KATNA1: variants seen among roughly 807,000 people sequenced by gnomAD.
KATNA1 encodes katanin catalytic subunit A1.
A neutral mutation model predicts 62.6 loss-of-function variants in KATNA1; 42 were observed. That is an observed-to-expected ratio of 0.67 (90% CI 0.52 to 0.87). KATNA1 has a LOEUF of 0.87. Among genes scored for constraint, KATNA1 ranks in the 40% least tolerant of loss-of-function variants. KATNA1 has a pLI of 0.00. For synonymous variants in KATNA1, 186 were observed against 201.9 expected (o/e 0.92, Z 0.67); for missense variants, 498 against 612.5 (o/e 0.81, Z 1.97).
intron 2 of KATNA1, among the ~76,000 whole-genome samples, chr6:149,636,152 A>G (rs993289134): frequency 6.6e-6 from 1 of 152,106 alleles, no homozygotes; most frequent in Non-Finnish European, 1.5e-5. Flanking sequence ...GTTTTGCTTT[A>G]TAACTTAAAT....
At chr6:149,613,628 A>G (rs1388652783) in intron 4 of KATNA1, among the ~76,000 whole-genome samples, 1 of 152,196 alleles carries the variant, frequency 6.6e-6, no homozygotes, top group African/African-American at 2.4e-5. Flanking sequence ...CAAAAACTGC[A>G]CCTGCAGAAT....
At chr6:149,618,899 T>G (rs1019130728) in intron 4 of KATNA1, among the ~76,000 whole-genome samples, 1 of 152,162 alleles carries the variant, frequency 6.6e-6, no homozygotes, top group African/African-American at 2.4e-5. Context: ...GTAGGAGAAA[T>G]GCTTCAGGAC....
chr6:149,601,529 G>A (rs1778541030), intron 7 of KATNA1, 65 bp downstream of exon 7: 1 of 1,422,200 alleles, frequency 7.0e-7, no homozygotes, highest in Non-Finnish European at 9.5e-7. Flanking sequence ...ACTGGAGATA[G>A]TTACAGCTCA....
chr6:149,639,085 A>G (rs1780186545), intron 1 of KATNA1, among the ~76,000 whole-genome samples: 2 of 152,066 alleles, frequency 1.3e-5, no homozygotes, highest in South Asian at 4.2e-4. Flanking sequence ...AGCTCACTTC[A>G]GGCCAGGAGT....
chr6:149,623,012 A>G (rs972046518), intron 4 of KATNA1, 91 bp downstream of exon 4: 2 of 1,056,400 alleles, frequency 1.9e-6, no homozygotes, highest in Admixed American at 3.1e-5. Flanking sequence ...GTCTCAAAAA[A>G]GGAAAAAAAG....
intron 4 of KATNA1, among the ~76,000 whole-genome samples, chr6:149,621,538 G>A (rs902441561): frequency 1.4e-4 from 21 of 151,078 alleles, no homozygotes; most frequent in Non-Finnish European, 2.8e-4. Flanking sequence ...TGTTGGTCAG[G>A]CTAGACTGCA....
At chr6:149,609,969 C>A (rs1778886226) in intron 4 of KATNA1, among the ~76,000 whole-genome samples, 1 of 145,588 alleles carries the variant, frequency 6.9e-6, no homozygotes, top group South Asian at 2.2e-4. Context: ...TGTGGTAGCA[C>A]ATGCCTGTAA....
chr6:149,611,548 C>T (rs1778958452), intron 4 of KATNA1, among the ~76,000 whole-genome samples: 1 of 148,028 alleles, frequency 6.8e-6, no homozygotes. Context: ...AACAGAATAA[C>T]TATAGAGAAA....
intron 1 of KATNA1, among the ~76,000 whole-genome samples, chr6:149,647,078 C>G (rs1780513663): frequency 6.6e-6 from 1 of 151,722 alleles, no homozygotes. Flanking sequence ...CTTGAATAAC[C>G]AACGCTATAA....
chr6:149,602,062 T>A (rs1300522481), intron 6 of KATNA1, among the ~76,000 whole-genome samples: 1 of 152,134 alleles, frequency 6.6e-6, no homozygotes, highest in Non-Finnish European at 1.5e-5. Flanking sequence ...ACAAATTAGG[T>A]TGTTTAAAAA....
In KATNA1 at chr6:149,598,334, G is replaced by A. The variant is rs1163565805; in HGVS notation, c.905C>T (p.Pro302Leu). Residue 302 changes from proline (P) to leucine (L), a missense_variant, in exon 8 of 11, where the codon CCA (proline) becomes CTA (leucine). By Grantham distance (98) the Pro-to-Leu change is moderately conservative. Transcript: ENST00000367411. ...TATCTCATCAATAAATATGGTGGCT[G>A]GAGAATAAAATCGAGCCTAAAGGAA... ...LLFEMARFYS[P>L]ATIFIDEIDS... The A allele has an allele frequency of 1.9e-6, 3 of 1,613,566 alleles. No individual in the cohort carries two copies. Among genetic ancestry groups the A allele is most frequent in the Non-Finnish European group, 1.7e-6 (2 of 1,179,754 alleles).
chr6:149,632,390 A>G (rs1034257410), intron 3 of KATNA1, among the ~76,000 whole-genome samples: 8 of 152,036 alleles, frequency 5.3e-5, no homozygotes, highest in Admixed American at 3.3e-4. Flanking sequence ...AAAAAAAGAA[A>G]AAAAAGAAAA....
At chr6:149,619,615 A>C (rs989057428) in intron 4 of KATNA1, among the ~76,000 whole-genome samples, 1 of 146,450 alleles carries the variant, frequency 6.8e-6, no homozygotes, top group South Asian at 2.1e-4. Context: ...TGTCTCCACA[A>C]AAAAAAAAAA....
At chr6:149,624,841 G>A (rs962726231) in intron 3 of KATNA1, among the ~76,000 whole-genome samples, 1 of 151,028 alleles carries the variant, frequency 6.6e-6, no homozygotes, top group Admixed American at 6.7e-5. Context: ...TAAACAGACA[G>A]AAGCTATGTA....
At position 149,595,202 on chromosome 6, in the gene KATNA1, A is replaced by G. The variant is rs775246631; in HGVS notation, c.1310T>C (p.Ile437Thr). 4 of 1,613,992 alleles carry G rather than the reference A, an allele frequency of 2.5e-6. No homozygotes were observed. The highest frequency in any genetic ancestry group is 1.3e-5 in the African/African-American group (1 of 74,932). ...GATTTCCTCTGGAGTCAAACCTTCAATGCGCCTTCTCATTGCCATCAAGGA... is the reference window on the plus strand; with the variant it reads ...GATTTCCTCTGGAGTCAAACCTTCAGTGCGCCTTCTCATTGCCATCAAGGA... Reference protein sequence around the residue: ...DASLMAMRRRIEGLTPEEIRN... With the variant: ...DASLMAMRRRTEGLTPEEIRN... Residue 437 changes from isoleucine (I) to threonine (T), a missense_variant, in exon 11 of 11, where the codon ATT (isoleucine) becomes ACT (threonine). Physicochemically the swap from Ile to Thr is moderately conservative, Grantham distance 89 (BLOSUM62 -1). Transcript: ENST00000367411.
chr6:149,596,417 C>T (rs536892292), intron 10 of KATNA1, among the ~76,000 whole-genome samples: 48 of 152,312 alleles, frequency 3.2e-4, no homozygotes, highest in Middle Eastern at 3.4e-3. Flanking sequence ...TGCCTGTAAT[C>T]CCAGCTACTC....
intron 4 of KATNA1, among the ~76,000 whole-genome samples, chr6:149,613,465 A>C (rs1779045062): frequency 6.6e-6 from 1 of 152,128 alleles, no homozygotes; most frequent in South Asian, 2.1e-4. Context: ...AGAAAATACT[A>C]AGGAATCTAC....
chr6:149,635,156 T>C (rs1780021694), intron 2 of KATNA1, among the ~76,000 whole-genome samples: 1 of 152,082 alleles, frequency 6.6e-6, no homozygotes. Context: ...TTTGTGCCTG[T>C]GGCCCCAGCT....
At chr6:149,607,185 A>G (rs1421078364) in intron 4 of KATNA1, among the ~76,000 whole-genome samples, 1 of 152,234 alleles carries the variant, frequency 6.6e-6, no homozygotes, top group Non-Finnish European at 1.5e-5. Context: ...AACAAATTTA[A>G]GTAGGCAGAA....
Sources: allele counts gnomAD v4.1 joint callset (sites outside exome capture counted in the v4.1 genomes callset), GRCh38; gene constraint gnomAD v4.1.1; transcripts MANE v1.5; gene names NCBI Gene and HGNC (gene_info 2026-07-23, HGNC 2026-07-21).